Variants in DDX31 observed in about 807,000 individuals in gnomAD.
DDX31 encodes DEAD-box helicase 31.
In DDX31, 70 loss-of-function variants were observed where a neutral mutation model predicts 91.3. That is an observed-to-expected ratio of 0.77 (90% CI 0.63 to 0.94). The LOEUF (loss-of-function observed/expected upper bound fraction) is 0.94, where lower values mean the gene tolerates loss of function less well. Ranked by LOEUF, DDX31 falls within the 40% of genes least tolerant of loss-of-function variation. The probability of loss-of-function intolerance (pLI) is 0.00; values close to 1 mark genes in which losing one functional copy is unlikely to be tolerated. For missense variants in DDX31, 902 were observed against 925.0 expected (o/e 0.98, Z 0.32); for synonymous variants, 362 against 350.6 (o/e 1.03, Z -0.36).
chr9:132,659,706 T>G lies in DDX31; in HGVS notation c.523+4A>C, dbSNP rs749462275. 4 of 1,607,428 alleles carry G rather than the reference T, an allele frequency of 2.5e-6. No individual in the cohort carries two copies. The Admixed American group carries it at 6.7e-5, about 27-fold the overall frequency. On this transcript the variant is annotated splice_donor_region_variant and intron_variant, in intron 5 of 19. Coordinates refer to ENST00000372159, the MANE Select transcript of DDX31 (RefSeq NM_022779.9). ...AAAAAGGGCAGAGATGAAATGAGAC[T>G]AACCTGAGCCCGTCTGGGATCTCAC...
intron 5 of DDX31, among the ~76,000 whole-genome samples, 162 bp from the exon 6 acceptor site, chr9:132,658,897 TC>T (rs1177089668): frequency 6.6e-6 from 1 of 152,188 alleles, no homozygotes; most frequent in Admixed American, 6.5e-5. Flanking sequence ...AAAAGGGACT[TC>T]CCCTGTCTGC....
intron 4 of DDX31, among the ~76,000 whole-genome samples, chr9:132,660,487 C>T (rs1753055): frequency 0.12 from 18,446 of 152,090 alleles, 1,998 homozygotes; most frequent in African/African-American, 0.29. Flanking sequence ...GGAGGAAGCT[C>T]GCCAACTATT....
rs1834907622 is a variant in DDX31, at chr9:132,661,140, A to T, written c.452+68T>A. ...AAGACACAAATTTGCTCTGCCTTGC[A>T]CACACAGGTTTCGTCCGGTTATACC... On this transcript the variant is annotated intron_variant, in intron 4 of 19. Coordinates refer to ENST00000372159, the MANE Select transcript of DDX31 (RefSeq NM_022779.9). 6.4e-6 allele frequency: 9 copies of T among 1,409,200 alleles called. No individual in the cohort carries two copies. The South Asian group carries it at 8.2e-5, about 13-fold the overall frequency. The allele number at this position is 1,409,200 out of a possible 1,614,324, so 87.3% of individuals were successfully genotyped here.
chr9:132,662,042 G>A (rs1834990017), intron 3 of DDX31, among the ~76,000 whole-genome samples: 1 of 152,102 alleles, frequency 6.6e-6, no homozygotes, highest in Non-Finnish European at 1.5e-5. Flanking sequence ...CAAAAAAACA[G>A]AGGATGGGGG....
In DDX31 at chr9:132,669,937, TCTGCGTGGGTGA is replaced by T; in HGVS notation, c.-15_-4del. 6 of 1,589,804 alleles carry T rather than the reference TCTGCGTGGGTGA, an allele frequency of 3.8e-6. No individual in the cohort carries two copies. Among genetic ancestry groups the T allele is most frequent in the Non-Finnish European group, 5.1e-6 (6 of 1,169,058 alleles). On this transcript the variant is annotated 5_prime_UTR_variant, in exon 1 of 20. Coordinates refer to ENST00000372159, the MANE Select transcript of DDX31 (RefSeq NM_022779.9). ...AGCGAACCGTCGGCGGCTGCCATGGTCTGCGTGGGTGACGCGTGGTGCAGCAGCGAGCCCGGT... is the reference window on the plus strand; with the variant it reads ...AGCGAACCGTCGGCGGCTGCCATGGTCGCGTGGTGCAGCAGCGAGCCCGGT...
chr9:132,603,796 C>T (rs1178084572), intron 19 of DDX31, among the ~76,000 whole-genome samples: 2 of 152,150 alleles, frequency 1.3e-5, no homozygotes, highest in African/African-American at 4.8e-5. Context: ...GCCCTGACTG[C>T]ATGACTGAAA....
rs373164163 is a variant in DDX31, at chr9:132,662,062, C to G, written c.408+199G>C. Among the ~76,000 whole-genome samples, 6 of 152,124 alleles carry G rather than the reference C, an allele frequency of 3.9e-5. No homozygotes were observed. In the East Asian group the frequency reaches 7.7e-4, roughly 20 times the overall value. ...AAACAGAGGATGGGGGAAGGGGGGG[C>G]CAGAAAACAGTGAACAGTAACCTAA... is the stretch of plus-strand genomic sequence containing the variant. On this transcript the variant is annotated intron_variant, in intron 3 of 19. Coordinates refer to ENST00000372159, the MANE Select transcript of DDX31 (RefSeq NM_022779.9).
At chr9:132,627,825 G>A (rs957784343) in intron 16 of DDX31, among the ~76,000 whole-genome samples, 9 of 152,250 alleles carry the variant, frequency 5.9e-5, no homozygotes, top group African/African-American at 2.2e-4. Flanking sequence ...CGAGAGCCTC[G>A]GCCTGCCTTC....
intron 18 of DDX31, among the ~76,000 whole-genome samples, chr9:132,615,803 G>A (rs1158359702): frequency 6.6e-6 from 1 of 152,222 alleles, no homozygotes; most frequent in Non-Finnish European, 1.5e-5. Flanking sequence ...GAAAAAAGGG[G>A]TAACTGCTTC....
At position 132,594,532 on chromosome 9, in the gene DDX31, G is replaced by A. The variant is rs1383504433; in HGVS notation, c.*334C>T. Reference sequence around the variant, plus strand: ...AATCAAGCCCGTTCCAGGCTGACGCGCAGGGCGTTCTTACATCACATCCCG... The same window carrying A: ...AATCAAGCCCGTTCCAGGCTGACGCACAGGGCGTTCTTACATCACATCCCG... On this transcript the variant is annotated 3_prime_UTR_variant, in exon 20 of 20. Coordinates refer to ENST00000372159, the MANE Select transcript of DDX31 (RefSeq NM_022779.9). 4 of 239,160 alleles carry A rather than the reference G, an allele frequency of 1.7e-5. No homozygotes were observed. The highest frequency in any genetic ancestry group is 8.1e-5 in the South Asian group (1 of 12,300). The allele number at this position is 239,160 out of a possible 1,614,324, so 14.8% of individuals were successfully genotyped here. A position where few individuals can be genotyped will look rare whatever the true frequency, so the allele number is the denominator to read the frequency against.
chr9:132,661,253 T>C lies in DDX31; in HGVS notation c.409-2A>G. The stretch of plus-strand genomic sequence containing the variant: ...TAAGACCGTATTTATTGTGGAAATC[T>C]AAAAGAGGAGATGAAAAAGCTTTAA... On this transcript the variant is annotated splice_acceptor_variant, in intron 3 of 19. Transcript: ENST00000372159. LOFTEE classifies it high-confidence loss of function. The C allele has an allele frequency of 1.9e-6, 3 of 1,598,896 alleles. No homozygotes were observed. Among genetic ancestry groups the C allele is most frequent in the Non-Finnish European group, 2.6e-6 (3 of 1,169,934 alleles).
intron 19 of DDX31, among the ~76,000 whole-genome samples, chr9:132,602,947 G>A (rs1385124939): frequency 6.6e-6 from 1 of 152,120 alleles, no homozygotes; most frequent in African/African-American, 2.4e-5. Context: ...GCTTCCAGAC[G>A]GGGCAGGCGA....
chr9:132,667,528 A>G (rs907848413), intron 1 of DDX31, among the ~76,000 whole-genome samples: 4 of 152,196 alleles, frequency 2.6e-5, no homozygotes, highest in African/African-American at 9.6e-5. Flanking sequence ...GTGTGAACTC[A>G]GGAGGCAGAG....
chr9:132,600,017 C>G, intron 19 of DDX31, among the ~76,000 whole-genome samples: 1 of 152,234 alleles, frequency 6.6e-6, no homozygotes. Flanking sequence ...TCTCAGGTCA[C>G]AGTGAGGGTA....
Position 132,646,073 on chromosome 9 carries a change from T to A in DDX31, c.1204-2A>T. ...AACCATCTTCTGGTCTTCCTCAAAC[T>A]ACATCGATACAAAGGGAGGAAAAAC... is the stretch of plus-strand genomic sequence containing the variant. On this transcript the variant is annotated splice_acceptor_variant, in intron 12 of 19. Transcript: ENST00000372159. LOFTEE classifies it high-confidence loss of function. The A allele has an allele frequency of 2.5e-6, 4 of 1,612,438 alleles. No individual in the cohort carries two copies. Among genetic ancestry groups the A allele is most frequent in the African/African-American group, 1.3e-5 (1 of 74,928 alleles).
chr9:132,633,701 G>A (rs1014394614), intron 14 of DDX31, among the ~76,000 whole-genome samples: 1 of 151,952 alleles, frequency 6.6e-6, no homozygotes, highest in Admixed American at 6.6e-5. Context: ...TATCGCCAGG[G>A]GAGGAAAAGA....
At chr9:132,649,601 T>C (rs1564326322) in intron 9 of DDX31, among the ~76,000 whole-genome samples, 1 of 152,234 alleles carries the variant, frequency 6.6e-6, no homozygotes, top group African/African-American at 2.4e-5. Flanking sequence ...TTTGTTATTA[T>C]TGTTGTTATT....
chr9:132,630,404 C>A lies in DDX31; in HGVS notation c.1492-1G>T. The A allele has an allele frequency of 6.3e-7, 1 of 1,581,314 alleles. No individual in the cohort carries two copies. The highest frequency in any genetic ancestry group is 8.7e-7 in the Non-Finnish European group (1 of 1,154,496). On this transcript the variant is annotated splice_acceptor_variant, in intron 15 of 19. Coordinates refer to ENST00000372159, the MANE Select transcript of DDX31 (RefSeq NM_022779.9). LOFTEE classifies it high-confidence loss of function. ...CTGCAGGTGAAGATGGAGCGTTGTA[C>A]TAAAAAGGGTAACAAAAATGAAGGC...
intron 14 of DDX31, among the ~76,000 whole-genome samples, 161 bp from the exon 15 acceptor site, chr9:132,632,252 A>ACACACACACACACACACACAGTCCTG (rs1832805848): frequency 1.0e-5 from 1 of 95,774 alleles, no homozygotes; most frequent in Non-Finnish European, 1.9e-5. Context: ...ACACACACAC[A>ACACACACACACACACACACAGTCCTG]CACACACACA....
Sources: allele counts gnomAD v4.1 joint callset (sites outside exome capture counted in the v4.1 genomes callset), GRCh38; gene constraint gnomAD v4.1.1; transcripts MANE v1.5; gene names NCBI Gene and HGNC (gene_info 2026-07-23, HGNC 2026-07-21).